The following CREB5 variants were observed in gnomAD, a reference collection of about 807,000 sequenced individuals.
CREB5 encodes the protein cyclic AMP-responsive element-binding protein 5.
CREB5 carries 19 observed loss-of-function variants against 57.1 expected under a neutral mutation model. The observed-to-expected ratio is 0.33, with a 90% CI of 0.23 to 0.49. CREB5 has a LOEUF of 0.49. Among genes scored for constraint, CREB5 ranks in the 20% least tolerant of loss-of-function variants. The pLI is 0.99. For synonymous variants in CREB5, 238 were observed against 238.3 expected (o/e 1.00, Z 0.01); for missense variants, 579 against 671.6 (o/e 0.86, Z 1.52).
intron 5 of CREB5, among the ~76,000 whole-genome samples, chr7:28,672,826 G>C (rs1800115107): frequency 6.6e-6 from 1 of 152,204 alleles, no homozygotes; most frequent in African/African-American, 2.4e-5. Context: ...TGCAGAATGA[G>C]GAAATTTGGA....
intron 5 of CREB5, among the ~76,000 whole-genome samples, chr7:28,582,704 C>A (rs148963127): frequency 6.6e-5 from 10 of 152,244 alleles, no homozygotes; most frequent in African/African-American, 2.2e-4. Context: ...AAAGAACTTA[C>A]AAATTTTGTT....
At chr7:28,732,840 G>GTTTT (rs1385704435) in intron 7 of CREB5, among the ~76,000 whole-genome samples, 50 of 97,080 alleles carry the variant, frequency 5.2e-4, no homozygotes, top group Non-Finnish European at 8.6e-4. Context: ...AAGGTTTAGG[G>GTTTT]TTGTTTTTTT....
At chr7:28,818,811 A>G (rs892192752) in intron 10 of CREB5, 3 of 501,742 alleles carry the variant, frequency 6.0e-6, no homozygotes, top group African/African-American at 3.9e-5. Flanking sequence ...TCCACATTTG[A>G]TATACGGATG....
intron 5 of CREB5, among the ~76,000 whole-genome samples, chr7:28,682,871 G>C (rs1800672968): frequency 6.6e-6 from 1 of 152,198 alleles, no homozygotes. Flanking sequence ...TATTTGGAAA[G>C]AGTCCAAAAG....
intron 1 of CREB5, among the ~76,000 whole-genome samples, chr7:28,475,007 C>T (rs6462092): frequency 6.6e-6 from 1 of 152,052 alleles, no homozygotes; most frequent in African/African-American, 2.4e-5. Flanking sequence ...TTAAAAAATT[C>T]AAAATCTGTT....
intron 5 of CREB5, among the ~76,000 whole-genome samples, chr7:28,595,956 A>G (rs985634405): frequency 1.3e-5 from 2 of 152,166 alleles, no homozygotes; most frequent in Non-Finnish European, 2.9e-5. Flanking sequence ...CTGGAGAAAT[A>G]TGATATTTGG....
chr7:28,463,276 C>T (rs1487960449), intron 1 of CREB5, among the ~76,000 whole-genome samples: 1 of 152,092 alleles, frequency 6.6e-6, no homozygotes, highest in Non-Finnish European at 1.5e-5. Context: ...TCAGTTCTAT[C>T]TTATTGGTCT....
At chr7:28,572,850 C>T (rs1795756632) in intron 5 of CREB5, among the ~76,000 whole-genome samples, 1 of 152,190 alleles carries the variant, frequency 6.6e-6, no homozygotes, top group South Asian at 2.1e-4. Flanking sequence ...CTTTTGGACA[C>T]ACTCCATCTT....
At chr7:28,719,093 G>C (rs1802872817) in intron 6 of CREB5, among the ~76,000 whole-genome samples, 1 of 152,172 alleles carries the variant, frequency 6.6e-6, no homozygotes, top group Non-Finnish European at 1.5e-5. Flanking sequence ...GCTTTGCTAT[G>C]AGATATGGTC....
Position 28,744,410 on chromosome 7 carries a change from C to T in CREB5, c.702+20078C>T, listed in dbSNP as rs371767448. On this transcript the variant is annotated intron_variant, in intron 7 of 10. Transcript: ENST00000357727. ...GTTACCAGGCTGGAATGCAGTGATG[C>T]GACCTCAGCTCACTGCAGCTTCCGC... 1.2e-4 allele frequency among the ~76,000 whole-genome samples: 16 copies of T among 133,668 alleles called. No homozygotes were observed. In the East Asian group the frequency reaches 1.6e-3, roughly 13 times the overall value. 87.7% of individuals were successfully genotyped at this position (133,668 alleles called of 152,430 possible). A position where few individuals can be genotyped will look rare whatever the true frequency, so the allele number is the denominator to read the frequency against.
intron 5 of CREB5, among the ~76,000 whole-genome samples, chr7:28,605,687 G>T (rs1272654310): frequency 6.6e-6 from 1 of 152,146 alleles, no homozygotes; most frequent in Non-Finnish European, 1.5e-5. Context: ...AGTTGAAGTT[G>T]ATTTCCTGCC....
At position 28,305,723 on chromosome 7, in the gene CREB5, T is replaced by C. The variant is rs944767335; in HGVS notation, c.-25+6282T>C. ...TGTCTTCTTGTTTTTCTTTTCTTTT[T>C]TTTTTTTTTTAAACTTCATTATTTC... is the stretch of plus-strand genomic sequence containing the variant. On this transcript the variant is annotated intron_variant, in intron 1 of 9. Coordinates refer to the CREB5 transcript ENST00000396299. Among the ~76,000 whole-genome samples the C allele has an allele frequency of 4.6e-5, 7 of 151,854 alleles. No individual in the cohort carries two copies. In the East Asian group the frequency reaches 1.2e-3, roughly 25 times the overall value.
At chr7:28,456,861 G>T (rs181852466) in intron 1 of CREB5, among the ~76,000 whole-genome samples, 99 of 152,340 alleles carry the variant, frequency 6.5e-4, no homozygotes, top group Non-Finnish European at 9.4e-4. Flanking sequence ...CAAGGGTAAA[G>T]CTGAGTGAAG....
chr7:28,560,819 T>TGCGTGCGTGCGCGTGCGTGC (rs1339266647), intron 4 of CREB5, among the ~76,000 whole-genome samples: 1 of 62,354 alleles, frequency 1.6e-5, no homozygotes, highest in Non-Finnish European at 3.6e-5. Context: ...CGTGTGTGTG[T>TGCGTGCGTGCGCGTGCGTGC]GTGCGCGCGC....
At chr7:28,409,555 G>A (rs1787677526), upstream of CREB5, 1 of 170,648 alleles carries the variant, frequency 5.9e-6, no homozygotes, top group Non-Finnish European at 1.3e-5. This position sits in a 1 kb window ranked among gnomAD's most constrained non-coding sequence, Gnocchi z 4.4. Context: ...CAGCCGCGAG[G>A]TTACTTGGTC....
At chr7:28,678,281 G>A (rs1336098296) in intron 5 of CREB5, among the ~76,000 whole-genome samples, 1 of 152,086 alleles carries the variant, frequency 6.6e-6, no homozygotes, top group African/African-American at 2.4e-5. Flanking sequence ...CCAGGCACTT[G>A]GGAGGCTGAG....
intron 4 of CREB5, among the ~76,000 whole-genome samples, chr7:28,534,722 A>G (rs1387337898): frequency 9.5e-6 from 1 of 105,546 alleles, no homozygotes; most frequent in East Asian, 2.2e-4. Context: ...CATCTGCATC[A>G]TCATCTTAAC....
chr7:28,577,300 A>G, intron 5 of CREB5, among the ~76,000 whole-genome samples: 1 of 152,198 alleles, frequency 6.6e-6, no homozygotes, highest in East Asian at 1.9e-4. Flanking sequence ...CAAGTTTGGC[A>G]GAAGCTCTAG....
chr7:28,771,459 G>A (rs753693431), intron 7 of CREB5, among the ~76,000 whole-genome samples: 1 of 152,130 alleles, frequency 6.6e-6, no homozygotes, highest in African/African-American at 2.4e-5. Context: ...GTCTGGGGGC[G>A]TCCTTCCTCC....
Sources: gnomAD v4.1 joint callset for allele counts (sites outside exome capture counted in the v4.1 genomes callset) on GRCh38, gnomAD v4.1.1 for gene constraint, Gnocchi (gnomAD v3.1) non-coding constraint, MANE v1.5 for transcripts, NCBI Gene and HGNC (gene_info 2026-07-23, HGNC 2026-07-21) for gene names.